Variants in COL5A2 observed in about 807,000 individuals in gnomAD.
COL5A2 encodes collagen type V alpha 2 chain, also known as collagen alpha-2(V) chain.
In COL5A2, 23 loss-of-function variants were observed where a neutral mutation model predicts 208.2. The ratio of observed to expected loss-of-function variants is 0.11; its 90% CI spans 0.08 to 0.16. COL5A2 has a LOEUF of 0.16. COL5A2 is among the 10% of genes least tolerant of loss of function. The probability of loss-of-function intolerance (pLI) is 1.00; values close to 1 mark genes in which losing one functional copy is unlikely to be tolerated. For synonymous variants in COL5A2, 625 were observed against 628.5 expected (o/e 0.99, Z 0.08); for missense variants, 1,590 against 1,956.4 (o/e 0.81, Z 3.53).
chr2:189,155,375 CT>C (rs570073533), intron 1 of COL5A2, among the ~76,000 whole-genome samples: 24 of 152,124 alleles, frequency 1.6e-4, no homozygotes, highest in African/African-American at 5.5e-4. Context: ...TTTGGGAGGC[CT>C]TTCACCTGCC....
At chr2:189,320,786 C>T in the COL5A2 span, among the ~76,000 whole-genome samples, 6 of 152,084 alleles carry the variant, frequency 3.9e-5, no homozygotes, top group African/African-American at 1.4e-4. Context: ...GCAAGGAAGG[C>T]CAACATTCAA....
intron 3 of COL5A2, among the ~76,000 whole-genome samples, chr2:189,103,626 C>G (rs7425292): frequency 0.13 from 19,940 of 151,980 alleles, 1,334 homozygotes; most frequent in Middle Eastern, 0.19. Flanking sequence ...TTATTGATGG[C>G]AAGTGACCAA....
At chr2:189,434,771 A>G in the COL5A2 span, among the ~76,000 whole-genome samples, 585 of 152,318 alleles carry the variant, frequency 3.8e-3, 13 homozygotes, top group Non-Finnish European at 1.3e-3. Context: ...TTATAGATTC[A>G]ATGCCATCCC....
chr2:189,061,035 T>C (rs1559084584), intron 30 of COL5A2, among the ~76,000 whole-genome samples: 2 of 152,164 alleles, frequency 1.3e-5, no homozygotes, highest in African/African-American at 4.8e-5. Context: ...AAAGAGATAA[T>C]GTAACAGGAG....
At chr2:189,228,397 A>C (rs1689444423), upstream of COL5A2, among the ~76,000 whole-genome samples, 2 of 151,962 alleles carry the variant, frequency 1.3e-5, no homozygotes, top group African/African-American at 4.8e-5. Flanking sequence ...CAACAAAACC[A>C]ACACACGTTA....
At position 189,068,896 on chromosome 2, in the gene COL5A2, C is replaced by T. The variant is rs370331835; in HGVS notation, c.1159-12G>A. ...GGACCTGCTTCTCCCTAAAAGGGTGCAAAGGGAAATGTTAATTTAAGAAAA... is the reference window on the plus strand; with the variant it reads ...GGACCTGCTTCTCCCTAAAAGGGTGTAAAGGGAAATGTTAATTTAAGAAAA... On this transcript the variant is annotated splice_polypyrimidine_tract_variant and intron_variant, in intron 18 of 53. Coordinates refer to ENST00000374866, the MANE Select transcript of COL5A2 (RefSeq NM_000393.5). 6.4e-7 allele frequency: 1 copy of T among 1,563,766 alleles called. No individual in the cohort carries two copies. Among genetic ancestry groups the T allele is most frequent in the South Asian group, 1.1e-5 (1 of 90,036 alleles).
intron 2 of COL5A2, among the ~76,000 whole-genome samples, chr2:189,106,391 T>C (rs575847658): frequency 5.9e-5 from 9 of 151,528 alleles, no homozygotes; most frequent in African/African-American, 2.2e-4. Context: ...TCCTATTATT[T>C]CTTCTATGAT....
At position 189,099,518 on chromosome 2, in the gene COL5A2, G is replaced by A. The variant is rs1576526389; in HGVS notation, c.369+589C>T. Among the ~76,000 whole-genome samples the A allele has an allele frequency of 3.9e-5, 6 of 152,092 alleles. No individual in the cohort carries two copies. In the South Asian group the frequency reaches 1.0e-3, roughly 26 times the overall value. ...CTCTTGCCTGTAGTCCCAGCTGCTC[G>A]GGAGGCTGAGGCACAAGAATCACTT... On this transcript the variant is annotated intron_variant, in intron 4 of 53. Transcript: ENST00000374866.
chr2:189,033,317 G>A lies in COL5A2; in HGVS notation c.*753C>T, dbSNP rs1685374645. 1 of 152,660 alleles carries A rather than the reference G, an allele frequency of 6.6e-6. No individual in the cohort carries two copies. Among genetic ancestry groups the A allele is most frequent in the South Asian group, 2.1e-4 (1 of 4,836 alleles). 9.5% of individuals were successfully genotyped at this position (152,660 alleles called of 1,614,324 possible). A position where few individuals can be genotyped will look rare whatever the true frequency, so the allele number is the denominator to read the frequency against. ...AGTGTGACTTCTATCAATATTGATA[G>A]ATTGATCAAGAGGAGAAAGATATCT... On this transcript the variant is annotated 3_prime_UTR_variant, in exon 54 of 54. Coordinates refer to ENST00000374866, the MANE Select transcript of COL5A2 (RefSeq NM_000393.5).
chr2:189,393,264 T>C, the COL5A2 span, among the ~76,000 whole-genome samples: 1 of 152,118 alleles, frequency 6.6e-6, no homozygotes, highest in African/African-American at 2.4e-5. Flanking sequence ...TTTCCAATCT[T>C]GGGTCTGGCA....
intron 5 of COL5A2, 144 bp from the exon 6 acceptor site, chr2:189,097,474 T>C (rs1160101144): frequency 9.4e-6 from 8 of 848,230 alleles, no homozygotes; most frequent in Non-Finnish European, 1.5e-5. Flanking sequence ...AATAAAGCCA[T>C]GTGCATATAA....
intron 26 of COL5A2, 130 bp downstream of exon 26, chr2:189,063,850 A>G (rs1017190460): frequency 1.4e-6 from 1 of 710,500 alleles, no homozygotes; most frequent in Admixed American, 2.6e-5. Context: ...ATGCTTCCAG[A>G]AGTTGGTACA....
chr2:189,387,983 C>T, the COL5A2 span, among the ~76,000 whole-genome samples: 1 of 152,250 alleles, frequency 6.6e-6, no homozygotes, highest in East Asian at 1.9e-4. Flanking sequence ...CAGGGTCTCA[C>T]TATGTTGCCC....
At chr2:189,151,085 T>C (rs7589307) in intron 1 of COL5A2, among the ~76,000 whole-genome samples, 3,995 of 152,194 alleles carry the variant, frequency 0.026, 188 homozygotes, top group African/African-American at 0.092. Context: ...CTTTCTACCA[T>C]AAGGAGCTAC....
intron 1 of COL5A2, among the ~76,000 whole-genome samples, chr2:189,135,291 C>T (rs1687807016): frequency 1.3e-5 from 2 of 152,104 alleles, no homozygotes; most frequent in Non-Finnish European, 2.9e-5. Flanking sequence ...TCTTCCTAAC[C>T]TGGATATTTA....
In COL5A2 at chr2:189,066,374, T is replaced by C. The variant is rs1686148358; in HGVS notation, c.1563+16A>G. ...CCCTCACAACTGTAAGAATGTGTTG[T>C]ATTATTTAAATTTACCCTTTCTCCC... On this transcript the variant is annotated intron_variant, in intron 23 of 53. Transcript: ENST00000374866. 2 of 1,587,876 alleles carry C rather than the reference T, an allele frequency of 1.3e-6. No individual in the cohort carries two copies. The highest frequency in any genetic ancestry group is 1.7e-5 in the Admixed American group (1 of 59,974).
chr2:189,048,718 T>G (rs1685722135), intron 44 of COL5A2, among the ~76,000 whole-genome samples: 1 of 152,208 alleles, frequency 6.6e-6, no homozygotes, highest in African/African-American at 2.4e-5. Flanking sequence ...TAAATATGTC[T>G]TTGCTATTTG....
the COL5A2 span, among the ~76,000 whole-genome samples, chr2:189,350,393 T>C: frequency 6.6e-6 from 1 of 152,172 alleles, no homozygotes; most frequent in Non-Finnish European, 1.5e-5. Context: ...CATAGACTTT[T>C]AGACAGGCCC....
Position 189,043,237 on chromosome 2 carries a change from C to G in COL5A2, c.3385G>C (p.Asp1129His). 6.2e-7 allele frequency: 1 copy of G among 1,613,646 alleles called. No individual in the cohort carries two copies. Among genetic ancestry groups the G allele is most frequent in the Non-Finnish European group, 8.5e-7 (1 of 1,179,656 alleles). The change falls in exon 48 of 54, where the codon GAC (aspartate) becomes CAC (histidine). Residue 1129 changes from aspartate (D) to histidine (H), a missense_variant. Asp to His is a moderately conservative substitution (Grantham distance 81). Coordinates refer to ENST00000374866, the MANE Select transcript of COL5A2 (RefSeq NM_000393.5). ...CCTCGGTCTCCATGATCACCTTTGT[C>G]ACCACGAGGTCCTTGGGGTCCCTAG... The part of the protein sequence containing the change: ...GLPGPQGPRG[D>H]KGDHGDRGDR...
Sources: allele counts gnomAD v4.1 joint callset (sites outside exome capture counted in the v4.1 genomes callset), GRCh38; gene constraint gnomAD v4.1.1; transcripts MANE v1.5; gene names NCBI Gene and HGNC (gene_info 2026-07-23, HGNC 2026-07-21).